ATP2B2: variants seen among roughly 807,000 people sequenced by gnomAD.
ATP2B2 encodes plasma membrane calcium-transporting ATPase 2.
In ATP2B2, 15 loss-of-function variants were observed where a neutral mutation model predicts 120.0. That is an observed-to-expected ratio of 0.12 (90% CI 0.08 to 0.19). ATP2B2 has a LOEUF of 0.19. Among genes scored for constraint, ATP2B2 ranks in the 10% least tolerant of loss-of-function variants. The pLI is 1.00. For synonymous variants in ATP2B2, 694 were observed against 700.3 expected, an observed-to-expected ratio of 0.99 and a Z score of 0.14; for missense variants, 1,045 against 1,719.8, an observed-to-expected ratio of 0.61 and a Z score of 6.94.
chr3:10,467,238 G>A (rs948939309), intron 1 of ATP2B2, among the ~76,000 whole-genome samples: 1 of 152,146 alleles, frequency 6.6e-6, no homozygotes, highest in African/African-American at 2.4e-5. Flanking sequence ...ATCTACATGG[G>A]GAAATTTTCT....
At chr3:10,580,097 G>C (rs1019697540) in intron 2 of ATP2B2, among the ~76,000 whole-genome samples, 3 of 152,150 alleles carry the variant, frequency 2.0e-5, no homozygotes, top group African/African-American at 7.2e-5. Flanking sequence ...CATCAACAGG[G>C]GGAGTGTGGA....
At chr3:10,406,153 C>T (rs556545874) in intron 3 of ATP2B2, among the ~76,000 whole-genome samples, 9 of 152,360 alleles carry the variant, frequency 5.9e-5, no homozygotes, top group South Asian at 2.1e-4. Flanking sequence ...AGGACTCAAA[C>T]GAGGGCTCCT....
chr3:10,642,392 T>G (rs1401549659), intron 1 of ATP2B2, among the ~76,000 whole-genome samples: 1 of 152,148 alleles, frequency 6.6e-6, no homozygotes, highest in Non-Finnish European at 1.5e-5. Context: ...AGGCACTGTA[T>G]TGGGTGCTGG....
In ATP2B2 at chr3:10,336,157, C is replaced by T. The variant is rs1210906589; in HGVS notation, c.3420+2019G>A. The T allele has an allele frequency of 1.5e-5, 24 of 1,550,472 alleles. No homozygotes were observed. In the African/African-American group the frequency reaches 1.8e-4, roughly 11 times the overall value. On this transcript the variant is annotated intron_variant, in intron 22 of 22. Coordinates refer to ENST00000360273, the MANE Select transcript of ATP2B2 (RefSeq NM_001001331.4). ...CGGCTGCAGCAGGAGGAAGGCTGGT[C>T]GGAGAGGAAAGAGCATTGGACAACG... is the stretch of plus-strand genomic sequence containing the variant.
chr3:10,558,554 TA>T (rs2067830405), intron 2 of ATP2B2, among the ~76,000 whole-genome samples: 1 of 152,054 alleles, frequency 6.6e-6, no homozygotes, highest in Non-Finnish European at 1.5e-5. Flanking sequence ...AAGGGGTGAA[TA>T]CATTCTGGAC....
At chr3:10,403,341 G>A (rs369156196) in intron 3 of ATP2B2, among the ~76,000 whole-genome samples, 1 of 152,318 alleles carries the variant, frequency 6.6e-6, no homozygotes, top group African/African-American at 2.4e-5. Context: ...CATCCCAACC[G>A]TTGCACCACT....
chr3:10,421,881 G>C (rs1333294186), intron 2 of ATP2B2, among the ~76,000 whole-genome samples: 2 of 152,234 alleles, frequency 1.3e-5, no homozygotes, highest in Non-Finnish European at 2.9e-5. Context: ...AGACCCAGAA[G>C]AACATTTACT....
At chr3:10,595,009 T>C (rs1236575374) in intron 2 of ATP2B2, among the ~76,000 whole-genome samples, 1 of 152,236 alleles carries the variant, frequency 6.6e-6, no homozygotes, top group Non-Finnish European at 1.5e-5. Flanking sequence ...CGAAGACCAA[T>C]GCAATCGGAG....
chr3:10,421,569 G>A (rs1409985045), intron 2 of ATP2B2, among the ~76,000 whole-genome samples: 1 of 152,190 alleles, frequency 6.6e-6, no homozygotes. Flanking sequence ...AAGAGGAGAT[G>A]AGGCAGTGTG....
chr3:10,326,856 T>C lies in ATP2B2; in HGVS notation c.*1958A>G. On this transcript the variant is annotated 3_prime_UTR_variant, in exon 23 of 23. Transcript: ENST00000360273. The stretch of plus-strand genomic sequence containing the variant: ...GGCCCTCCCAGTTGACTATGGCTCT[T>C]TTCCCGAGTGGCTCTCATCTTGTTT... 1 of 399,016 alleles carries C rather than the reference T, an allele frequency of 2.5e-6. No homozygotes were observed. The highest frequency in any genetic ancestry group is 4.4e-6 in the Non-Finnish European group (1 of 226,042). The allele number at this position is 399,016 out of a possible 1,614,324, so 24.7% of individuals were successfully genotyped here. A position where few individuals can be genotyped will look rare whatever the true frequency, so the allele number is the denominator to read the frequency against.
At chr3:10,379,099 C>CT (rs2061458795) in intron 9 of ATP2B2, 144 bp downstream of exon 9, 2 of 998,464 alleles carry the variant, frequency 2.0e-6, no homozygotes, top group African/African-American at 3.2e-5. Context: ...CAAATCACAG[C>CT]TACACCCCCA....
At chr3:10,505,853 C>T (rs1002760804), upstream of ATP2B2, among the ~76,000 whole-genome samples, 3 of 151,702 alleles carry the variant, frequency 2.0e-5, no homozygotes, top group African/African-American at 7.3e-5. Context: ...TAATTCCTCC[C>T]GTGGGATCAT....
chr3:10,568,172 G>T (rs978366628), intron 2 of ATP2B2, among the ~76,000 whole-genome samples: 3 of 152,166 alleles, frequency 2.0e-5, no homozygotes, highest in Admixed American at 6.5e-5. Flanking sequence ...AGCCTTAGGT[G>T]CAGGGCTGCT....
At chr3:10,558,036 T>C (rs938922826) in intron 2 of ATP2B2, among the ~76,000 whole-genome samples, 1 of 152,120 alleles carries the variant, frequency 6.6e-6, no homozygotes, top group African/African-American at 2.4e-5. Flanking sequence ...AGACGACAGG[T>C]CATCAGTAAG....
At chr3:10,650,088 AC>A (rs2070416883) in intron 1 of ATP2B2, among the ~76,000 whole-genome samples, 1 of 152,250 alleles carries the variant, frequency 6.6e-6, no homozygotes, top group Non-Finnish European at 1.5e-5. Context: ...GAATTGGGTA[AC>A]AGGCAGAAGT....
At chr3:10,484,477 G>T (rs891702354) in intron 1 of ATP2B2, among the ~76,000 whole-genome samples, 1 of 152,124 alleles carries the variant, frequency 6.6e-6, no homozygotes, top group African/African-American at 2.4e-5. Flanking sequence ...TGGCCGCGGG[G>T]GTCTCTGTGG....
At chr3:10,649,172 G>C (rs1361868322) in intron 1 of ATP2B2, among the ~76,000 whole-genome samples, 1 of 152,212 alleles carries the variant, frequency 6.6e-6, no homozygotes, top group African/African-American at 2.4e-5. Flanking sequence ...GCCTCCCAAA[G>C]TGCTGAGATC....
chr3:10,637,948 T>C (rs560750955), intron 1 of ATP2B2, among the ~76,000 whole-genome samples: 3 of 151,920 alleles, frequency 2.0e-5, no homozygotes, highest in Non-Finnish European at 2.9e-5. Flanking sequence ...GATGACAGAT[T>C]TTTTCACTAG....
intron 1 of ATP2B2, among the ~76,000 whole-genome samples, chr3:10,499,245 A>G (rs933929638): frequency 3.3e-5 from 5 of 152,114 alleles, no homozygotes; most frequent in South Asian, 2.1e-4. Context: ...CCACTATCCC[A>G]TCTTACAGGC....
Sources: gnomAD v4.1 joint callset for allele counts (sites outside exome capture counted in the v4.1 genomes callset) on GRCh38, gnomAD v4.1.1 for gene constraint, MANE v1.5 for transcripts, NCBI Gene and HGNC (gene_info 2026-07-23, HGNC 2026-07-21) for gene names.